The following TAFA2 variants were observed in gnomAD, a reference collection of about 807,000 sequenced individuals.
TAFA2 encodes the protein chemokine-like protein TAFA-2.
A neutral mutation model predicts 18.8 loss-of-function variants in TAFA2; 7 were observed. The ratio of observed to expected loss-of-function variants is 0.37; its 90% CI spans 0.21 to 0.70. TAFA2 has a LOEUF of 0.70. Ranked by LOEUF, TAFA2 falls within the 30% of genes least tolerant of loss-of-function variation. The probability of loss-of-function intolerance (pLI) is 0.53; values close to 1 mark genes in which losing one functional copy is unlikely to be tolerated. For synonymous variants in TAFA2, 60 were observed against 54.2 expected (o/e 1.11, Z -0.47); for missense variants, 122 against 158.1 (o/e 0.77, Z 1.23).
Position 61,822,207 on chromosome 12 carries a change from G to A in TAFA2, c.106+45113C>T, listed in dbSNP as rs1443535498. Among the ~76,000 whole-genome samples, 3 of 152,000 alleles carry A rather than the reference G, an allele frequency of 2.0e-5. No homozygotes were observed. In the East Asian group the frequency reaches 5.8e-4, roughly 29 times the overall value. On this transcript the variant is annotated intron_variant, in intron 2 of 4. Transcript: ENST00000416284. ...AAAAATACTCATTTTTCTCTTCACT[G>A]AAGATGAAAGAACATGAATTCAAAA...
intron 2 of TAFA2, among the ~76,000 whole-genome samples, chr12:61,757,663 G>A (rs1869338741): frequency 1.3e-5 from 2 of 151,948 alleles, no homozygotes; most frequent in South Asian, 2.1e-4. Flanking sequence ...TCTGGAATGG[G>A]AAGACAGCAA....
intron 1 of TAFA2, among the ~76,000 whole-genome samples, chr12:62,189,974 G>GTGTGTC (rs1565774994): frequency 1.3e-5 from 2 of 151,732 alleles, no homozygotes; most frequent in African/African-American, 4.8e-5. Context: ...GTGTGTGTGT[G>GTGTGTC]TGTGTCTGTG....
chr12:61,724,138 C>T (rs938966506), intron 4 of TAFA2, among the ~76,000 whole-genome samples: 16 of 152,092 alleles, frequency 1.1e-4, no homozygotes, highest in African/African-American at 3.9e-4. Context: ...GATGGCTGAC[C>T]TCTCTCCTGC....
Position 61,899,577 on chromosome 12 carries a change from C to T in TAFA2, c.-1-32151G>A, listed in dbSNP as rs141634499. On this transcript the variant is annotated intron_variant, in intron 1 of 4. Coordinates refer to ENST00000416284, the MANE Select transcript of TAFA2 (RefSeq NM_178539.5). ...TCTCATGAGAATTCACTCACTATCA[C>T]GAGAACAACATGGGAATCTGTCTCC... Among the ~76,000 whole-genome samples, 59 of 152,192 alleles carry T rather than the reference C, an allele frequency of 3.9e-4. No homozygotes were observed. The East Asian group carries it at 7.4e-3, about 19-fold the overall frequency.
At chr12:62,234,051 G>A (rs556233502) in intron 1 of TAFA2, among the ~76,000 whole-genome samples, 2 of 152,172 alleles carry the variant, frequency 1.3e-5, no homozygotes, top group Non-Finnish European at 2.9e-5. Flanking sequence ...CAGAGGCAGG[G>A]TGCCTTCATA....
chr12:62,166,232 A>G (rs2062438764), intron 1 of TAFA2, among the ~76,000 whole-genome samples: 1 of 152,158 alleles, frequency 6.6e-6, no homozygotes, highest in South Asian at 2.1e-4. Context: ...GTTCTCACCT[A>G]TAAGATTGGC....
At chr12:61,982,441 A>C (rs1224777887) in intron 1 of TAFA2, among the ~76,000 whole-genome samples, 1 of 152,088 alleles carries the variant, frequency 6.6e-6, no homozygotes, top group Non-Finnish European at 1.5e-5. Flanking sequence ...AGTATAATTA[A>C]AAAAAAGAAA....
At chr12:62,102,525 C>A (rs185980567) in intron 1 of TAFA2, among the ~76,000 whole-genome samples, 2 of 152,272 alleles carry the variant, frequency 1.3e-5, no homozygotes, top group Admixed American at 1.3e-4. Context: ...ACCATAGCAA[C>A]ATAGAAATCT....
rs558865699 is a variant in TAFA2 at position 61,827,636 on chromosome 12, A to G, written c.106+39684T>C. On this transcript the variant is annotated intron_variant, in intron 2 of 4. Coordinates refer to ENST00000416284, the MANE Select transcript of TAFA2 (RefSeq NM_178539.5). ...TAAATAAATGGCAATAAAGTAAAACATGTTTAGAAAACAGCTAAAATTCAT... is the reference window on the plus strand; with the variant it reads ...TAAATAAATGGCAATAAAGTAAAACGTGTTTAGAAAACAGCTAAAATTCAT... Among the ~76,000 whole-genome samples, 4 of 152,182 alleles carry G rather than the reference A, an allele frequency of 2.6e-5. No homozygotes were observed. In the South Asian group the frequency reaches 6.2e-4, roughly 24 times the overall value.
chr12:62,187,494 T>C (rs541053991), intron 1 of TAFA2, among the ~76,000 whole-genome samples: 2 of 152,194 alleles, frequency 1.3e-5, no homozygotes, highest in East Asian at 3.9e-4. Flanking sequence ...AAAGCATATG[T>C]ATGTATGTAT....
intron 1 of TAFA2, among the ~76,000 whole-genome samples, chr12:62,187,429 A>G (rs755636358): frequency 6.6e-6 from 1 of 152,142 alleles, no homozygotes; most frequent in Non-Finnish European, 1.5e-5. Flanking sequence ...ACATTCTACA[A>G]AGTTGTTCTG....
chr12:62,194,972 T>C (rs532392701), upstream of TAFA2, among the ~76,000 whole-genome samples: 6 of 152,354 alleles, frequency 3.9e-5, no homozygotes, highest in South Asian at 6.2e-4. Flanking sequence ...AAAAGTGTAC[T>C]GATGATCTGA....
rs1364854468 is a variant in TAFA2 at position 62,226,217 on chromosome 12, G to A, written c.-130+32546C>T. 4.1e-5 allele frequency among the ~76,000 whole-genome samples: 6 copies of A among 146,306 alleles called. No homozygotes were observed. The South Asian group carries it at 8.6e-4, about 21-fold the overall frequency. ...CTCTTTTTTTTTTTTTTTTTGAGAC[G>A]GAGTCTCGCTCTGCCGCCCAGGCTG... On this transcript the variant is annotated intron_variant, in intron 1 of 5. Transcript: ENST00000551619.
At position 62,055,695 on chromosome 12, in the gene TAFA2, A is replaced by C. The variant is rs114977591; in HGVS notation, c.-2+135564T>G. Among the ~76,000 whole-genome samples, 1,165 of 152,312 alleles carry C rather than the reference A, an allele frequency of 7.6e-3. 18 individuals carry two copies. Among genetic ancestry groups the C allele is most frequent in the African/African-American group, 0.027 (1,128 of 41,580 alleles). ...TCGCCTTTTTCAAAGTTCAGGTTAT[A>C]ACCTTTTTATAAATCCCCAGAATCA... On this transcript the variant is annotated intron_variant, in intron 1 of 4. Transcript: ENST00000416284.
intron 1 of TAFA2, among the ~76,000 whole-genome samples, chr12:61,927,435 A>C (rs1282786880): frequency 1.3e-5 from 2 of 152,204 alleles, no homozygotes; most frequent in Non-Finnish European, 2.9e-5. Context: ...AGAATAAAAT[A>C]CCTAGGAATA....
chr12:62,259,278 T>C (rs2062968590), upstream of TAFA2, among the ~76,000 whole-genome samples: 1 of 152,232 alleles, frequency 6.6e-6, no homozygotes, highest in South Asian at 2.1e-4. Flanking sequence ...CCACAATTCA[T>C]TTACTAAACA....
intron 2 of TAFA2, among the ~76,000 whole-genome samples, chr12:61,755,355 T>C (rs1215873958): frequency 6.6e-6 from 1 of 152,108 alleles, no homozygotes; most frequent in African/African-American, 2.4e-5. Flanking sequence ...GTTCAATGCA[T>C]TAATCAAAGT....
chr12:61,949,279 A>G (rs1878384466), intron 1 of TAFA2, among the ~76,000 whole-genome samples: 2 of 152,178 alleles, frequency 1.3e-5, no homozygotes, highest in South Asian at 4.1e-4. Flanking sequence ...TCAGACTCCA[A>G]CGGAAACATC....
chr12:62,176,190 C>A (rs1452805452), intron 1 of TAFA2, among the ~76,000 whole-genome samples: 1 of 152,060 alleles, frequency 6.6e-6, no homozygotes, highest in Non-Finnish European at 1.5e-5. Context: ...CCATTTGTTA[C>A]AAATAAAATT....
Sources: allele counts gnomAD v4.1 joint callset (sites outside exome capture counted in the v4.1 genomes callset), GRCh38; gene constraint gnomAD v4.1.1; transcripts MANE v1.5; gene names NCBI Gene and HGNC (gene_info 2026-07-23, HGNC 2026-07-21).